The following TPTE2 variants were observed in gnomAD, a reference collection of about 807,000 sequenced individuals.
TPTE2 encodes the protein transmembrane phosphoinositide 3-phosphatase and tensin homolog 2.
Under a neutral mutation model 78.6 loss-of-function variants are expected in TPTE2, and 53 were observed. The observed-to-expected ratio is 0.67, with a 90% confidence interval of 0.54 to 0.85. The LOEUF (loss-of-function observed/expected upper bound fraction) is 0.85. TPTE2 is among the 40% of genes least tolerant of loss of function. The pLI is 0.00. For missense variants in TPTE2, 461 were observed against 623.0 expected (o/e 0.74, Z 2.77); for synonymous variants, 175 against 206.2 (o/e 0.85, Z 1.30).
At chr13:19,530,857 A>G (rs992729971) in intron 1 of TPTE2, among the ~76,000 whole-genome samples, 2 of 152,176 alleles carry the variant, frequency 1.3e-5, no homozygotes, top group African/African-American at 4.8e-5. Flanking sequence ...AAATACACAA[A>G]AAATGTACCA....
chr13:19,469,529 A>G (rs1435800581), intron 6 of TPTE2, among the ~76,000 whole-genome samples: 1 of 152,150 alleles, frequency 6.6e-6, no homozygotes, highest in East Asian at 1.9e-4. Flanking sequence ...CTCCATATAA[A>G]TTTTAAGATT....
rs182072722 is a variant in TPTE2 at position 19,488,816 on chromosome 13, C to A, written c.119+4034G>T. ...GTGGAGCAGCAGTCTTAATTTTCTTCAAGAAGTTTTTTGGCTTTTCTGTTT... is the reference window on the plus strand; with the variant it reads ...GTGGAGCAGCAGTCTTAATTTTCTTAAAGAAGTTTTTTGGCTTTTCTGTTT... On this transcript the variant is annotated intron_variant, in intron 3 of 19. Coordinates refer to ENST00000400230, the Ensembl canonical transcript of TPTE2. Among the ~76,000 whole-genome samples, 59 of 152,270 alleles carry A rather than the reference C, an allele frequency of 3.9e-4. No homozygotes were observed. The East Asian group carries it at 0.01, about 26-fold the overall frequency.
At chr13:19,498,538 C>T (rs1881541333) in intron 1 of TPTE2, among the ~76,000 whole-genome samples, 1 of 151,582 alleles carries the variant, frequency 6.6e-6, no homozygotes, top group Non-Finnish European at 1.5e-5. Context: ...ATTTCATATC[C>T]AGCCAAACTA....
intron 1 of TPTE2, among the ~76,000 whole-genome samples, chr13:19,533,429 T>C (rs1426434215): frequency 1.3e-5 from 2 of 152,338 alleles, no homozygotes; most frequent in East Asian, 1.9e-4. Flanking sequence ...GAATATATAA[T>C]AAAGATTAAG....
chr13:19,505,369 G>C (rs1342380796), upstream of TPTE2, among the ~76,000 whole-genome samples: 2 of 151,990 alleles, frequency 1.3e-5, no homozygotes, highest in African/African-American at 4.8e-5. Context: ...TCAAATTCCT[G>C]GCCTCAAGTG....
intron 10 of TPTE2, among the ~76,000 whole-genome samples, chr13:19,463,087 A>T (rs1041125692): frequency 1.3e-5 from 2 of 151,762 alleles, no homozygotes; most frequent in African/African-American, 4.8e-5. Flanking sequence ...GGATTCAAGC[A>T]ATTCTCGTGT....
the TPTE2 span, among the ~76,000 whole-genome samples, chr13:19,551,958 C>T: frequency 9.9e-5 from 15 of 152,134 alleles, no homozygotes; most frequent in Non-Finnish European, 1.6e-4. Context: ...ATATGGATAT[C>T]ACAAAAAATA....
intron 4 of TPTE2, among the ~76,000 whole-genome samples, chr13:19,475,958 G>T (rs781571955): frequency 5.9e-5 from 9 of 152,148 alleles, no homozygotes; most frequent in Non-Finnish European, 1.3e-4. Flanking sequence ...GTTGGTAGAA[G>T]AGAACCGTAT....
chr13:19,538,282 G>A (rs886788173), upstream of TPTE2, among the ~76,000 whole-genome samples: 2 of 151,970 alleles, frequency 1.3e-5, no homozygotes, highest in East Asian at 1.9e-4. Context: ...GTGCAGTGGC[G>A]CCAGCTCGGC....
chr13:19,438,371 C>G, intron 13 of TPTE2: 3 of 985,384 alleles, frequency 3.0e-6, no homozygotes, highest in Non-Finnish European at 3.6e-6. Flanking sequence ...AAAAATATCT[C>G]TCACCATCTC....
intron 10 of TPTE2, among the ~76,000 whole-genome samples, chr13:19,459,454 C>G (rs563715737): frequency 1.3e-5 from 2 of 152,168 alleles, no homozygotes; most frequent in Non-Finnish European, 2.9e-5. Context: ...GCATTCCCAC[C>G]ATCAGGAGGC....
intron 1 of TPTE2, among the ~76,000 whole-genome samples, chr13:19,512,583 A>ATTTT (rs71092372): frequency 6.8e-6 from 1 of 148,082 alleles, no homozygotes; most frequent in Non-Finnish European, 1.5e-5. Context: ...CACAGGAAAC[A>ATTTT]TTTTTTTTTT....
At chr13:19,554,487 A>T in the TPTE2 span, among the ~76,000 whole-genome samples, 1 of 151,592 alleles carries the variant, frequency 6.6e-6, no homozygotes, top group Non-Finnish European at 1.5e-5. Flanking sequence ...ATCCCATTTT[A>T]TATATATATA....
upstream of TPTE2, among the ~76,000 whole-genome samples, chr13:19,540,506 T>C (rs1412768675): frequency 5.9e-5 from 9 of 151,880 alleles, no homozygotes; most frequent in African/African-American, 2.2e-4. Context: ...GGTTTCGCCA[T>C]GTTGGCCAGT....
chr13:19,479,777 C>T (rs539991032), intron 4 of TPTE2, among the ~76,000 whole-genome samples: 4 of 152,098 alleles, frequency 2.6e-5, no homozygotes, highest in South Asian at 2.1e-4. Flanking sequence ...TCCTGGCCAA[C>T]ATGGTGAAAC....
intron 13 of TPTE2, among the ~76,000 whole-genome samples, chr13:19,449,395 C>A (rs1878039623): frequency 6.6e-6 from 1 of 152,096 alleles, no homozygotes; most frequent in Non-Finnish European, 1.5e-5. Context: ...CCTGCCTCAG[C>A]CTCCCAAAGT....
At chr13:19,433,869 T>C (rs1252254885) in intron 15 of TPTE2, among the ~76,000 whole-genome samples, 5 of 152,344 alleles carry the variant, frequency 3.3e-5, no homozygotes, top group African/African-American at 1.2e-4. Flanking sequence ...TTAGGGAAAC[T>C]ATGCATGACT....
intron 13 of TPTE2, among the ~76,000 whole-genome samples, chr13:19,442,471 G>C (rs541115222): frequency 3.9e-5 from 6 of 152,128 alleles, no homozygotes; most frequent in African/African-American, 1.4e-4. Context: ...AAATAGAAAA[G>C]AGAGTGGCCA....
At chr13:19,521,077 G>T (rs1469147689) in intron 1 of TPTE2, among the ~76,000 whole-genome samples, 1 of 151,960 alleles carries the variant, frequency 6.6e-6, no homozygotes, top group African/African-American at 2.4e-5. Flanking sequence ...TGTTGCTGGG[G>T]GATGGAGAAT....
Sources: allele counts gnomAD v4.1 joint callset (sites outside exome capture counted in the v4.1 genomes callset), GRCh38; gene constraint gnomAD v4.1.1; transcripts MANE v1.5; gene names NCBI Gene and HGNC (gene_info 2026-07-23, HGNC 2026-07-21).